PCDHGA7: variants seen among roughly 807,000 people sequenced by gnomAD.
The protein encoded by PCDHGA7 is protocadherin gamma-A7.
In PCDHGA7, 44 loss-of-function variants were observed where a neutral mutation model predicts 58.3. The observed-to-expected ratio is 0.75, with a 90% CI of 0.59 to 0.97. The LOEUF is 0.97. Ranked by LOEUF, PCDHGA7 falls within the 50% of genes least tolerant of loss-of-function variation. The pLI is 0.00. For synonymous variants in PCDHGA7, 516 were observed against 504.2 expected (o/e 1.02, Z -0.31); for missense variants, 1,266 against 1,188.7 (o/e 1.06, Z -0.96).
intron 1 of PCDHGA7, chr5:141,398,830 G>A: frequency 6.2e-7 from 1 of 1,613,946 alleles, no homozygotes; most frequent in Non-Finnish European, 8.5e-7. Flanking sequence ...GGTAACCGAC[G>A]CCAATGATAA....
chr5:141,409,948 A>G, intron 1 of PCDHGA7: 1 of 1,613,348 alleles, frequency 6.2e-7, no homozygotes, highest in South Asian at 1.1e-5. Context: ...CTCGCTCTGC[A>G]GAGCCCGGCT....
At chr5:141,418,746 A>G in intron 1 of PCDHGA7, 1 of 1,613,974 alleles carries the variant, frequency 6.2e-7, no homozygotes, top group Non-Finnish European at 8.5e-7. Context: ...TCTCTGGATT[A>G]CACTACAGGA....
chr5:141,509,224 T>G (rs1241668369), intron 3 of PCDHGA7, among the ~76,000 whole-genome samples: 3 of 152,176 alleles, frequency 2.0e-5, no homozygotes, highest in Non-Finnish European at 2.9e-5. Flanking sequence ...AATCCCTGGT[T>G]GATGTCCCAG....
chr5:141,398,783 A>G (rs1300541880), intron 1 of PCDHGA7: 4 of 1,613,944 alleles, frequency 2.5e-6, no homozygotes, highest in Non-Finnish European at 3.4e-6. Flanking sequence ...GACGGTGGAC[A>G]TCCACCCCTA....
intron 1 of PCDHGA7, among the ~76,000 whole-genome samples, chr5:141,474,248 A>G (rs2099346089): frequency 6.6e-6 from 1 of 152,220 alleles, no homozygotes; most frequent in African/African-American, 2.4e-5. Context: ...TAGGGGAAAA[A>G]AAGACTGATA....
chr5:141,437,262 G>A (rs1490690532), intron 1 of PCDHGA7, among the ~76,000 whole-genome samples: 1 of 152,152 alleles, frequency 6.6e-6, no homozygotes, highest in Non-Finnish European at 1.5e-5. Flanking sequence ...CTTTTTATGT[G>A]TATGACAGAT....
At chr5:141,446,035 A>G (rs1300621298) in intron 1 of PCDHGA7, among the ~76,000 whole-genome samples, 1 of 152,222 alleles carries the variant, frequency 6.6e-6, no homozygotes, top group Non-Finnish European at 1.5e-5. Context: ...CTGGTAAGAA[A>G]TGGAAGAAGA....
intron 1 of PCDHGA7, chr5:141,398,825 C>A (rs747230922): frequency 6.2e-7 from 1 of 1,613,994 alleles, no homozygotes; most frequent in South Asian, 1.1e-5. Flanking sequence ...ATCCAGGTAA[C>A]CGACGCCAAT....
At position 141,486,230 on chromosome 5, in the gene PCDHGA7, A is replaced by G. The variant is rs1463946178; in HGVS notation, c.2425-8577A>G. ...TGACAATGCCCCTTACATCACAGTG[A>G]CCTCAGAGCTTGGAACCCTCCCCGA... On this transcript the variant is annotated intron_variant, in intron 1 of 3. Coordinates refer to ENST00000518325, the MANE Select transcript of PCDHGA7 (RefSeq NM_018920.4). This position sits in a 1 kb window ranked among gnomAD's most constrained non-coding sequence, Gnocchi z 5.0. 2 of 1,613,898 alleles carry G rather than the reference A, an allele frequency of 1.2e-6. No individual in the cohort carries two copies. The highest frequency in any genetic ancestry group is 2.2e-5 in the East Asian group (1 of 44,878).
Position 141,410,441 on chromosome 5 carries a change from A to T in PCDHGA7, c.2424+25118A>T. ...AGTTCCCCCCAACTACAGTGAGGGGACTTTGCCTTATTCTTATAATCTGTG... is the reference window on the plus strand; with the variant it reads ...AGTTCCCCCCAACTACAGTGAGGGGTCTTTGCCTTATTCTTATAATCTGTG... On this transcript the variant is annotated intron_variant, in intron 1 of 3. Transcript: ENST00000518325. 2 of 1,613,946 alleles carry T rather than the reference A, an allele frequency of 1.2e-6. 1 individual carries two copies. The highest frequency in any genetic ancestry group is 2.2e-5 in the South Asian group (2 of 91,074).
chr5:141,394,756 A>G (rs757241753), intron 1 of PCDHGA7: 4 of 1,613,324 alleles, frequency 2.5e-6, no homozygotes, highest in East Asian at 4.5e-5. Flanking sequence ...GCCGTCCAGG[A>G]CCATGGCCAG....
intron 3 of PCDHGA7, among the ~76,000 whole-genome samples, chr5:141,506,202 G>A (rs911181875): frequency 6.6e-6 from 1 of 152,184 alleles, no homozygotes; most frequent in Non-Finnish European, 1.5e-5. Context: ...TGTAATCCCA[G>A]CACTTTGGGA....
At chr5:141,409,212 T>C (rs751644523) in intron 1 of PCDHGA7, 1 of 1,613,924 alleles carries the variant, frequency 6.2e-7, no homozygotes, top group Non-Finnish European at 8.5e-7. Context: ...ATCATAGAAA[T>C]CCTTGATGAA....
chr5:141,432,717 C>T lies in PCDHGA7; in HGVS notation c.2424+47394C>T. On this transcript the variant is annotated intron_variant, in intron 1 of 3. Transcript: ENST00000518325. The surrounding 1 kb of genome is among the most constrained non-coding windows in gnomAD (Gnocchi z 6.0). ...GCCGTCCAGGACCACGGCCAGCCCC[C>T]TCTCTCCGCCACTGTCACGCTCACC... 1 of 1,614,030 alleles carries T rather than the reference C, an allele frequency of 6.2e-7. No individual in the cohort carries two copies. Among genetic ancestry groups the T allele is most frequent in the Non-Finnish European group, 8.5e-7 (1 of 1,179,978 alleles).
chr5:141,419,894 C>G, intron 1 of PCDHGA7: 1 of 1,613,926 alleles, frequency 6.2e-7, no homozygotes, highest in Non-Finnish European at 8.5e-7. Flanking sequence ...CAGCGACCAT[C>G]CCACACCCTC....
Position 141,485,585 on chromosome 5 carries a change from C to G in PCDHGA7, c.2425-9222C>G, listed in dbSNP as rs373987810. The G allele has an allele frequency of 7.4e-6, 12 of 1,612,204 alleles. No individual in the cohort carries two copies. The highest frequency in any genetic ancestry group is 1.0e-5 in the Non-Finnish European group (12 of 1,178,590). On this transcript the variant is annotated intron_variant, in intron 1 of 3. Transcript: ENST00000518325. The surrounding 1 kb of genome is among the most constrained non-coding windows in gnomAD (Gnocchi z 5.7). ...CGCCCCCCGTTTTCCGCGGCAGCAG[C>G]TGGACTTGGAAATTGGGGAGGCAGC...
Position 141,427,885 on chromosome 5 carries a change from ACCAGGGCTCGC to A in PCDHGA7, c.2424+42565_2424+42575del, listed in dbSNP as rs772694818. 4 of 1,565,134 alleles carry A rather than the reference ACCAGGGCTCGC, an allele frequency of 2.6e-6. No homozygotes were observed. In the East Asian group the frequency reaches 6.7e-5, roughly 26 times the overall value. ...TTCGAGCTCACGATGCAGGCCCACGACCAGGGCTCGCCCGCGCTCAGCGCCAACATGAGCCG... is the reference window on the plus strand; with the variant it reads ...TTCGAGCTCACGATGCAGGCCCACGACCGCGCTCAGCGCCAACATGAGCCG... On this transcript the variant is annotated intron_variant, in intron 1 of 3. Coordinates refer to ENST00000518325, the MANE Select transcript of PCDHGA7 (RefSeq NM_018920.4).
In PCDHGA7 at chr5:141,477,377, C is replaced by A. The variant is rs1456451105; in HGVS notation, c.2425-17430C>A. On this transcript the variant is annotated intron_variant, in intron 1 of 3. Coordinates refer to ENST00000518325, the MANE Select transcript of PCDHGA7 (RefSeq NM_018920.4). This position sits in a 1 kb window ranked among gnomAD's most constrained non-coding sequence, Gnocchi z 4.9. ...TGCAGACCTGGATCGGGAGACTGTG[C>A]CAGAATACAACCTCAGCATCACCGC... 1.2e-6 allele frequency: 2 copies of A among 1,614,026 alleles called. No homozygotes were observed. The highest frequency in any genetic ancestry group is 1.7e-6 in the Non-Finnish European group (2 of 1,180,032).
Position 141,383,416 on chromosome 5 carries a change from A to G in PCDHGA7, c.517A>G (p.Ser173Gly). ...GAACTCCCTCCAGAGTTACCAGCTC[A>G]GCCCCAATCGCCACTTCTCCCTGGC... ...GTNSLQSYQL[S>G]PNRHFSLAVQ... The change falls in exon 1 of 4, where the codon AGC becomes GGC. Residue 173 changes from serine (S) to glycine (G), a missense_variant. Physicochemically the swap from Ser to Gly is moderately conservative, Grantham distance 56. Coordinates refer to ENST00000518325, the MANE Select transcript of PCDHGA7 (RefSeq NM_018920.4). The G allele has an allele frequency of 6.2e-7, 1 of 1,613,856 alleles. No individual in the cohort carries two copies. Among genetic ancestry groups the G allele is most frequent in the Non-Finnish European group, 8.5e-7 (1 of 1,179,732 alleles).
Sources: gnomAD v4.1 joint callset for allele counts (sites outside exome capture counted in the v4.1 genomes callset) on GRCh38, gnomAD v4.1.1 for gene constraint, Gnocchi (gnomAD v3.1) non-coding constraint, MANE v1.5 for transcripts, NCBI Gene and HGNC (gene_info 2026-07-23, HGNC 2026-07-21) for gene names.